The following THSD7B variants were observed in gnomAD, a reference collection of about 807,000 sequenced individuals.
The protein encoded by THSD7B is thrombospondin type 1 domain containing 7B.
THSD7B carries 138 observed loss-of-function variants against 213.6 expected under a neutral mutation model. The observed-to-expected ratio is 0.65, with a 90% CI of 0.56 to 0.74. The LOEUF (loss-of-function observed/expected upper bound fraction) is 0.74, where lower values mean the gene tolerates loss of function less well. Among genes scored for constraint, THSD7B ranks in the 30% least tolerant of loss-of-function variants. The probability of loss-of-function intolerance (pLI) is 0.00; values close to 1 mark genes in which losing one functional copy is unlikely to be tolerated. For missense variants in THSD7B, 1,931 were observed against 1,991.5 expected, an observed-to-expected ratio of 0.97 and a Z score of 0.58; for synonymous variants, 742 against 687.0, an observed-to-expected ratio of 1.08 and a Z score of -1.25.
chr2:137,210,479 A>T (rs1233627278), intron 7 of THSD7B, among the ~76,000 whole-genome samples: 1 of 152,072 alleles, frequency 6.6e-6, no homozygotes, highest in Non-Finnish European at 1.5e-5. Context: ...GATTTGAAGT[A>T]TTCGTTCTTA....
intron 3 of THSD7B, among the ~76,000 whole-genome samples, chr2:137,065,294 T>G (rs549009082): frequency 3.7e-4 from 56 of 152,204 alleles, no homozygotes; most frequent in African/African-American, 1.3e-3. Context: ...GATTACTTTT[T>G]CATTTCTTTT....
At chr2:137,335,686 T>C (rs1198473585) in intron 12 of THSD7B, among the ~76,000 whole-genome samples, 1 of 152,186 alleles carries the variant, frequency 6.6e-6, no homozygotes, top group East Asian at 1.9e-4. Context: ...TTTTGAGTTG[T>C]AGTTATTGCC....
At chr2:137,242,630 C>A in intron 10 of THSD7B, 58 bp downstream of exon 10, 3 of 1,304,950 alleles carry the variant, frequency 2.3e-6, no homozygotes, top group Non-Finnish European at 3.3e-6. Flanking sequence ...TTCTCCACAT[C>A]TAAGTAAGTG....
chr2:137,595,530 T>C (rs1357179821), intron 17 of THSD7B, among the ~76,000 whole-genome samples: 2 of 152,020 alleles, frequency 1.3e-5, no homozygotes, highest in African/African-American at 4.8e-5. Flanking sequence ...TTTATTTGTC[T>C]TTTGTGCACA....
Position 137,080,618 on chromosome 2 carries a change from T to A in THSD7B, c.951-14255T>A, listed in dbSNP as rs953638542. 5.3e-5 allele frequency among the ~76,000 whole-genome samples: 8 copies of A among 152,208 alleles called. No homozygotes were observed. In the East Asian group the frequency reaches 1.5e-3, roughly 29 times the overall value. ...ATTTCCTCACCTTTTCTGGCCTAAT[T>A]TAGTGCTGTTTGTTATGTCAGTTTT... On this transcript the variant is annotated intron_variant, in intron 3 of 27. Coordinates refer to ENST00000409968, the MANE Select transcript of THSD7B (RefSeq NM_001316349.2).
chr2:137,294,000 C>A (rs1412117455), intron 12 of THSD7B, among the ~76,000 whole-genome samples: 3 of 152,092 alleles, frequency 2.0e-5, no homozygotes, highest in African/African-American at 7.2e-5. Flanking sequence ...GTACCTAATT[C>A]ACCTTTACAC....
intron 2 of THSD7B, among the ~76,000 whole-genome samples, chr2:137,005,931 C>T (rs1234480193): frequency 2.0e-5 from 3 of 151,976 alleles, no homozygotes; most frequent in African/African-American, 7.3e-5. Context: ...TCTGTGTATC[C>T]CATAGTTATA....
intron 25 of THSD7B, among the ~76,000 whole-genome samples, chr2:137,663,136 T>G (rs1467469170): frequency 3.3e-5 from 5 of 151,990 alleles, no homozygotes; most frequent in Non-Finnish European, 5.9e-5. Context: ...GAACTATGGT[T>G]TAATATTTGG....
chr2:137,412,478 T>C (rs1194164788), intron 14 of THSD7B, among the ~76,000 whole-genome samples: 1 of 146,572 alleles, frequency 6.8e-6, no homozygotes, highest in Non-Finnish European at 1.5e-5. Flanking sequence ...CGCATGCCTG[T>C]AATCCCAGCT....
chr2:137,108,167 T>G (rs1397951449), intron 4 of THSD7B, among the ~76,000 whole-genome samples: 1 of 152,232 alleles, frequency 6.6e-6, no homozygotes, highest in Non-Finnish European at 1.5e-5. Context: ...TCTTTCAATC[T>G]GTCATCATTA....
intron 9 of THSD7B, among the ~76,000 whole-genome samples, chr2:137,241,650 C>T (rs921254987): frequency 2.6e-5 from 4 of 151,982 alleles, no homozygotes; most frequent in African/African-American, 9.7e-5. Context: ...CGGTGGCTCA[C>T]GCCTGTAATC....
intron 12 of THSD7B, among the ~76,000 whole-genome samples, chr2:137,376,187 A>G (rs1685650732): frequency 6.6e-6 from 1 of 152,206 alleles, no homozygotes; most frequent in Admixed American, 6.5e-5. Context: ...TACTGTTTCT[A>G]GAATGATTAT....
chr2:136,898,523 C>T (rs1232488903), intron 2 of THSD7B, among the ~76,000 whole-genome samples: 1 of 150,784 alleles, frequency 6.6e-6, no homozygotes, highest in Non-Finnish European at 1.5e-5. Context: ...AGTTTTACTC[C>T]AACATTTACT....
At chr2:137,281,216 T>C (rs1288596885) in intron 12 of THSD7B, among the ~76,000 whole-genome samples, 1 of 152,134 alleles carries the variant, frequency 6.6e-6, no homozygotes, top group Non-Finnish European at 1.5e-5. Context: ...CACAGTTTTC[T>C]TACACAATAG....
chr2:137,062,598 A>G (rs1687298528), intron 3 of THSD7B, among the ~76,000 whole-genome samples: 3 of 151,646 alleles, frequency 2.0e-5, no homozygotes, highest in Admixed American at 6.6e-5. Context: ...TGTCTTGTTT[A>G]ATCTCTATAT....
intron 7 of THSD7B, among the ~76,000 whole-genome samples, chr2:137,204,998 T>C (rs546067604): frequency 2.2e-4 from 34 of 152,152 alleles, no homozygotes; most frequent in Admixed American, 7.2e-4. Flanking sequence ...TGTGAGAGGC[T>C]AGGTTAGAAT....
At chr2:137,039,236 G>A (rs1306702261) in intron 2 of THSD7B, among the ~76,000 whole-genome samples, 1 of 152,126 alleles carries the variant, frequency 6.6e-6, no homozygotes, top group Admixed American at 6.5e-5. Flanking sequence ...CCTTATTACT[G>A]CTGAGATCCT....
intron 12 of THSD7B, among the ~76,000 whole-genome samples, chr2:137,321,348 T>C (rs878527): frequency 0.047 from 7,214 of 152,252 alleles, 211 homozygotes; most frequent in Non-Finnish European, 0.065. Flanking sequence ...CTAAAATAAG[T>C]ATCTTTTGAA....
At chr2:137,201,876 T>G (rs565669162) in intron 7 of THSD7B, among the ~76,000 whole-genome samples, 3 of 152,324 alleles carry the variant, frequency 2.0e-5, no homozygotes, top group East Asian at 1.9e-4. Context: ...CTAAATAGAC[T>G]GAGCCCTTTT....
Sources: gnomAD v4.1 joint callset for allele counts (sites outside exome capture counted in the v4.1 genomes callset) on GRCh38, gnomAD v4.1.1 for gene constraint, MANE v1.5 for transcripts, NCBI Gene and HGNC (gene_info 2026-07-23, HGNC 2026-07-21) for gene names.